The following LOC128092252 variants were observed in gnomAD, a reference collection of about 807,000 sequenced individuals.
chr15:50,661,112 G>A, the LOC128092252 span, among the ~76,000 whole-genome samples: 3 of 151,958 alleles, frequency 2.0e-5, no homozygotes, highest in Non-Finnish European at 4.4e-5. Context: ...AAGTAGCTGG[G>A]ATGACAGGTG....
At chr15:50,662,623 C>T in the LOC128092252 span, among the ~76,000 whole-genome samples, 1 of 152,116 alleles carries the variant, frequency 6.6e-6, no homozygotes, top group African/African-American at 2.4e-5. Flanking sequence ...AATAGATACA[C>T]AAATTTAAGT....
the LOC128092252 span, among the ~76,000 whole-genome samples, chr15:50,667,503 T>C: frequency 6.0e-4 from 91 of 152,282 alleles, no homozygotes; most frequent in African/African-American, 2.0e-3. Flanking sequence ...GCCAGGAGTT[T>C]TGAGACCAGC....
the LOC128092252 span, among the ~76,000 whole-genome samples, chr15:50,679,258 C>T: frequency 6.6e-6 from 1 of 150,682 alleles, no homozygotes; most frequent in African/African-American, 2.4e-5. Context: ...TCACTTGAGC[C>T]TAGGAGGTTG....
the LOC128092252 span, among the ~76,000 whole-genome samples, chr15:50,660,889 G>A: frequency 6.6e-6 from 1 of 151,936 alleles, no homozygotes; most frequent in Admixed American, 6.6e-5. Flanking sequence ...ATTTTAAATG[G>A]CTAAAAATCG....
At chr15:50,653,473 G>A in the LOC128092252 span, among the ~76,000 whole-genome samples, 7 of 152,100 alleles carry the variant, frequency 4.6e-5, no homozygotes, top group Admixed American at 3.3e-4. Context: ...GTGTGGTCTC[G>A]GAGATTCCTG....
the LOC128092252 span, among the ~76,000 whole-genome samples, chr15:50,652,257 T>C: frequency 0.6 from 85,945 of 143,096 alleles, 25,544 homozygotes; most frequent in African/African-American, 0.68. Flanking sequence ...TGCTTGAACC[T>C]GGGAGGCGGA....
the LOC128092252 span, among the ~76,000 whole-genome samples, chr15:50,658,177 T>C: frequency 6.6e-6 from 1 of 152,018 alleles, no homozygotes; most frequent in Non-Finnish European, 1.5e-5. Flanking sequence ...GCTAATTTTT[T>C]TGCATTTTTA....
At chr15:50,676,458 C>T in the LOC128092252 span, among the ~76,000 whole-genome samples, 51 of 152,228 alleles carry the variant, frequency 3.4e-4, 1 homozygote, top group South Asian at 1.5e-3. Flanking sequence ...GTGGCTCACA[C>T]CTGTAATCCT....
the LOC128092252 span, among the ~76,000 whole-genome samples, chr15:50,651,265 C>G: frequency 6.6e-6 from 1 of 152,106 alleles, no homozygotes; most frequent in African/African-American, 2.4e-5. Context: ...AATAAAATCA[C>G]TAAATGAAGA....
chr15:50,655,165 G>A, the LOC128092252 span, among the ~76,000 whole-genome samples: 2 of 142,708 alleles, frequency 1.4e-5, no homozygotes, highest in African/African-American at 4.9e-5. Context: ...GCCAAATGCA[G>A]TGGCTCACGC....
At chr15:50,686,594 G>A in the LOC128092252 span, 1 of 1,600,104 alleles carries the variant, frequency 6.2e-7, no homozygotes, top group Non-Finnish European at 8.5e-7. Context: ...TCCGCGGCCT[G>A]TAGCCATCTA....
the LOC128092252 span, among the ~76,000 whole-genome samples, chr15:50,673,852 T>C: frequency 1.1e-4 from 16 of 152,320 alleles, no homozygotes; most frequent in African/African-American, 3.8e-4. Flanking sequence ...TTTCCCATAG[T>C]GGTTGTACTA....
chr15:50,668,982 T>C, the LOC128092252 span, among the ~76,000 whole-genome samples: 1 of 152,322 alleles, frequency 6.6e-6, no homozygotes, highest in Admixed American at 6.5e-5. Flanking sequence ...TGGCCTCATA[T>C]CTTGTCTACG....
chr15:50,675,278 G>A, the LOC128092252 span, among the ~76,000 whole-genome samples: 1 of 151,938 alleles, frequency 6.6e-6, no homozygotes, highest in East Asian at 1.9e-4. Flanking sequence ...AGGACACAGA[G>A]GTTGCAGTGA....
the LOC128092252 span, among the ~76,000 whole-genome samples, chr15:50,679,021 G>A: frequency 2.6e-5 from 4 of 152,100 alleles, no homozygotes; most frequent in African/African-American, 9.6e-5. Flanking sequence ...CTACAGGTGC[G>A]TGCCACCACG....
the LOC128092252 span, among the ~76,000 whole-genome samples, chr15:50,684,987 G>C: frequency 6.6e-6 from 1 of 152,164 alleles, no homozygotes; most frequent in Non-Finnish European, 1.5e-5. Flanking sequence ...ATGTTAAAAA[G>C]TCCTTGTCTT....
At chr15:50,664,021 C>A in the LOC128092252 span, among the ~76,000 whole-genome samples, 1 of 151,830 alleles carries the variant, frequency 6.6e-6, no homozygotes, top group African/African-American at 2.4e-5. Context: ...CAGATTTGGC[C>A]GCGTGCGGTG....
At chr15:50,665,003 T>G in the LOC128092252 span, among the ~76,000 whole-genome samples, 68 of 152,224 alleles carry the variant, frequency 4.5e-4, 2 homozygotes, top group South Asian at 0.014. Flanking sequence ...TTTAAAAGAT[T>G]TTAACAACAT....
At chr15:50,663,033 C>T in the LOC128092252 span, 4 of 1,613,254 alleles carry the variant, frequency 2.5e-6, no homozygotes, top group Non-Finnish European at 3.4e-6. Flanking sequence ...GCTTTCTATC[C>T]AGGATTTCTG....
Sources: gnomAD v4.1 joint callset for allele counts (sites outside exome capture counted in the v4.1 genomes callset) on GRCh38, gnomAD v4.1.1 for gene constraint, MANE v1.5 for transcripts.